Variants in EYA1 observed in about 807,000 individuals in gnomAD.
The protein encoded by EYA1 is EYA transcriptional coactivator and phosphatase 1.
In EYA1, 16 loss-of-function variants were observed where a neutral mutation model predicts 82.0. The observed-to-expected ratio is 0.20, with a 90% CI of 0.13 to 0.30. The LOEUF (loss-of-function observed/expected upper bound fraction) is 0.30, where lower values mean the gene tolerates loss of function less well. Ranked by LOEUF, EYA1 falls within the 10% of genes least tolerant of loss-of-function variation. The pLI is 1.00. For synonymous variants in EYA1, 261 were observed against 264.4 expected (o/e 0.99, Z 0.12); for missense variants, 633 against 730.7 (o/e 0.87, Z 1.54).
intron 2 of EYA1, among the ~76,000 whole-genome samples, chr8:71,534,809 A>T (rs1289407121): frequency 6.6e-6 from 1 of 151,680 alleles, no homozygotes; most frequent in East Asian, 1.9e-4. Flanking sequence ...GCAGCAAACC[A>T]CCATGTTGCA....
At chr8:71,443,320 C>A (rs1723598289) in intron 2 of EYA1, among the ~76,000 whole-genome samples, 1 of 152,146 alleles carries the variant, frequency 6.6e-6, no homozygotes, top group Non-Finnish European at 1.5e-5. Context: ...GGGATAGAGT[C>A]TTGCTCTGTT....
intron 11 of EYA1, among the ~76,000 whole-genome samples, chr8:71,263,090 G>C (rs1563718058): frequency 6.6e-6 from 1 of 152,130 alleles, no homozygotes; most frequent in South Asian, 2.1e-4. Context: ...GGTTTCATTC[G>C]TTGGTCAAAT....
At chr8:71,513,704 C>A (rs1226301322) in intron 2 of EYA1, among the ~76,000 whole-genome samples, 1 of 152,050 alleles carries the variant, frequency 6.6e-6, no homozygotes. Context: ...CTTATTCATT[C>A]TTTCTAAATT....
chr8:71,545,942 T>C (rs1002672424), intron 1 of EYA1, among the ~76,000 whole-genome samples: 3 of 152,232 alleles, frequency 2.0e-5, no homozygotes, highest in African/African-American at 7.2e-5. Context: ...CAAGTTACAC[T>C]GTGCTCTCTC....
intron 11 of EYA1, among the ~76,000 whole-genome samples, chr8:71,260,787 G>A (rs1184253527): frequency 1.3e-5 from 2 of 152,196 alleles, no homozygotes; most frequent in Non-Finnish European, 2.9e-5. Flanking sequence ...TGCTAACAAT[G>A]TGAGCAGGTT....
At chr8:71,387,484 G>C (rs182813281) in intron 2 of EYA1, among the ~76,000 whole-genome samples, 56 of 152,150 alleles carry the variant, frequency 3.7e-4, no homozygotes, top group African/African-American at 1.3e-3. Context: ...TGAGAGAGAC[G>C]GACTTAGACC....
chr8:71,315,372 G>A (rs10094908), intron 7 of EYA1, among the ~76,000 whole-genome samples: 28,184 of 152,124 alleles, frequency 0.19, 3,020 homozygotes, highest in Non-Finnish European at 0.24. Context: ...CTGTGGATGG[G>A]CGCAGGCCCA....
At chr8:71,453,872 A>T (rs1277848085) in intron 2 of EYA1, among the ~76,000 whole-genome samples, 2 of 152,222 alleles carry the variant, frequency 1.3e-5, no homozygotes, top group Non-Finnish European at 2.9e-5. Flanking sequence ...CTAATGAGCA[A>T]AATAACCAGC....
intron 4 of EYA1, among the ~76,000 whole-genome samples, chr8:71,325,769 T>C (rs1563469848): frequency 1.3e-5 from 2 of 152,224 alleles, no homozygotes; most frequent in African/African-American, 4.8e-5. Context: ...AAAGGCCATA[T>C]AAGAAGTCAT....
intron 17 of EYA1, among the ~76,000 whole-genome samples, chr8:71,205,770 A>G (rs1807688743): frequency 6.6e-6 from 1 of 152,222 alleles, no homozygotes; most frequent in African/African-American, 2.4e-5. Context: ...GTGATTTAAA[A>G]AAAGTAACAA....
At chr8:71,523,173 CTTTTTCTTTTT>C (rs1469881724) in intron 2 of EYA1, among the ~76,000 whole-genome samples, 1 of 110,828 alleles carries the variant, frequency 9.0e-6, no homozygotes, top group African/African-American at 3.7e-5. Flanking sequence ...TTTCTTTTTT[CTTTTTCTTTTT>C]TTTTTTTTTT....
chr8:71,367,365 A>G (rs1361807347), intron 2 of EYA1, among the ~76,000 whole-genome samples: 1 of 152,120 alleles, frequency 6.6e-6, no homozygotes, highest in Non-Finnish European at 1.5e-5. Flanking sequence ...TTATATTAAA[A>G]GTGCACTTCA....
intron 17 of EYA1, among the ~76,000 whole-genome samples, chr8:71,204,998 G>A (rs1354518362): frequency 6.6e-6 from 1 of 152,106 alleles, no homozygotes; most frequent in African/African-American, 2.4e-5. Context: ...TAACCTTGAT[G>A]TCCCACTTAA....
At chr8:71,367,694 T>C (rs1374472201) in intron 2 of EYA1, among the ~76,000 whole-genome samples, 1 of 152,204 alleles carries the variant, frequency 6.6e-6, no homozygotes, top group Non-Finnish European at 1.5e-5. Flanking sequence ...TTCTAGAAGT[T>C]TTTATTAAGC....
At chr8:71,452,146 C>T (rs143336636) in intron 2 of EYA1, among the ~76,000 whole-genome samples, 1 of 152,190 alleles carries the variant, frequency 6.6e-6, no homozygotes, top group East Asian at 1.9e-4. Context: ...TTGGAGGGTC[C>T]CACACCCACA....
intron 17 of EYA1, among the ~76,000 whole-genome samples, chr8:71,205,100 C>G (rs1807588370): frequency 6.6e-6 from 1 of 152,230 alleles, no homozygotes; most frequent in Admixed American, 6.5e-5. Flanking sequence ...CATTATTAAT[C>G]AGGTTCTCGG....
At position 71,199,335 on chromosome 8, in the gene EYA1, C is replaced by T. The variant is rs781614178; in HGVS notation, c.*5G>A. 4.9e-5 allele frequency: 79 copies of T among 1,604,788 alleles called. No individual in the cohort carries two copies. Among genetic ancestry groups the T allele is most frequent in the Non-Finnish European group, 6.6e-5 (77 of 1,173,604 alleles). Reference sequence around the variant, plus strand: ...AGCTGTGCGCTGTCAAAGTGCCGAGCGCTGTTACAGGTACTCCAGTTCCAA... The same window carrying T: ...AGCTGTGCGCTGTCAAAGTGCCGAGTGCTGTTACAGGTACTCCAGTTCCAA... On this transcript the variant is annotated 3_prime_UTR_variant, in exon 18 of 18. Transcript: ENST00000340726.
chr8:71,447,634 C>T (rs1458411433), intron 2 of EYA1, among the ~76,000 whole-genome samples: 2 of 152,120 alleles, frequency 1.3e-5, no homozygotes, highest in East Asian at 1.9e-4. Context: ...GATTCCAGAT[C>T]ACAGCAATAA....
chr8:71,531,811 A>G (rs1219591951), intron 2 of EYA1, among the ~76,000 whole-genome samples: 1 of 152,158 alleles, frequency 6.6e-6, no homozygotes, highest in Non-Finnish European at 1.5e-5. Context: ...GAAAGCCCAC[A>G]AACCTCCTCC....
Sources: allele counts gnomAD v4.1 joint callset (sites outside exome capture counted in the v4.1 genomes callset), GRCh38; gene constraint gnomAD v4.1.1; transcripts MANE v1.5; gene names NCBI Gene and HGNC (gene_info 2026-07-23, HGNC 2026-07-21).